Variants in CLSTN2 observed in about 807,000 individuals in gnomAD.
CLSTN2 encodes the protein calsyntenin 2.
A neutral mutation model predicts 101.2 loss-of-function variants in CLSTN2; 48 were observed. The observed-to-expected ratio is 0.47, with a 90% CI of 0.38 to 0.60. CLSTN2 has a LOEUF of 0.60. CLSTN2 is among the 20% of genes least tolerant of loss of function. The pLI is 0.00. For missense variants in CLSTN2, 1,160 were observed against 1,238.2 expected, an observed-to-expected ratio of 0.94 and a Z score of 0.95; for synonymous variants, 481 against 463.6, an observed-to-expected ratio of 1.04 and a Z score of -0.48.
At chr3:140,163,997 G>A (rs1576451568) in intron 1 of CLSTN2, among the ~76,000 whole-genome samples, 1 of 152,062 alleles carries the variant, frequency 6.6e-6, no homozygotes, top group African/African-American at 2.4e-5. Context: ...ATGCAATGAA[G>A]TGTGAGATAT....
chr3:140,049,415 T>C lies in CLSTN2; in HGVS notation c.109+113932T>C, dbSNP rs540874137. On this transcript the variant is annotated intron_variant, in intron 1 of 16. Coordinates refer to ENST00000458420, the MANE Select transcript of CLSTN2 (RefSeq NM_022131.3). Reference sequence around the variant, plus strand: ...AATTATAATCTTTAGATTAGAAATATTATTTCCGGAATGAGGGAACAGAAC... The same window carrying C: ...AATTATAATCTTTAGATTAGAAATACTATTTCCGGAATGAGGGAACAGAAC... Among the ~76,000 whole-genome samples, 7 of 152,324 alleles carry C rather than the reference T, an allele frequency of 4.6e-5. No individual in the cohort carries two copies. The East Asian group carries it at 1.2e-3, about 25-fold the overall frequency.
chr3:140,165,289 G>T (rs1478287379), intron 1 of CLSTN2, among the ~76,000 whole-genome samples: 1 of 152,134 alleles, frequency 6.6e-6, no homozygotes, highest in Non-Finnish European at 1.5e-5. Flanking sequence ...CCTACTCATT[G>T]GAATCAAAGT....
chr3:140,345,806 C>T (rs1463606775), intron 2 of CLSTN2, among the ~76,000 whole-genome samples: 1 of 152,050 alleles, frequency 6.6e-6, no homozygotes, highest in Non-Finnish European at 1.5e-5. Flanking sequence ...CAGAATGGAG[C>T]TGGAGATGGG....
chr3:140,180,983 C>A (rs1411444065), intron 2 of CLSTN2, among the ~76,000 whole-genome samples: 1 of 152,322 alleles, frequency 6.6e-6, no homozygotes, highest in East Asian at 1.9e-4. Flanking sequence ...ATGGCAAAGA[C>A]CCTCCCACAG....
intron 2 of CLSTN2, among the ~76,000 whole-genome samples, chr3:140,336,299 G>T (rs2087439063): frequency 6.6e-6 from 1 of 152,140 alleles, no homozygotes; most frequent in Admixed American, 6.5e-5. Context: ...TTACACACAG[G>T]TGGAAACCAA....
At chr3:140,200,375 T>A (rs867128329) in intron 2 of CLSTN2, among the ~76,000 whole-genome samples, 5 of 152,160 alleles carry the variant, frequency 3.3e-5, no homozygotes, top group African/African-American at 1.2e-4. Flanking sequence ...AGGAACCCCA[T>A]CTTTAGACTC....
intron 6 of CLSTN2, among the ~76,000 whole-genome samples, chr3:140,459,284 A>G (rs1174135927): frequency 2.6e-5 from 4 of 152,126 alleles, no homozygotes; most frequent in African/African-American, 7.2e-5. Context: ...CTTGCATCCT[A>G]TCTTGCCACA....
intron 1 of CLSTN2, among the ~76,000 whole-genome samples, chr3:139,998,887 T>C (rs532921888): frequency 6.6e-6 from 1 of 152,278 alleles, no homozygotes; most frequent in East Asian, 1.9e-4. Flanking sequence ...CTACATAAGA[T>C]CTAAGTAGGT....
intron 1 of CLSTN2, among the ~76,000 whole-genome samples, chr3:140,029,243 T>G (rs1296791586): frequency 6.6e-6 from 1 of 152,198 alleles, no homozygotes; most frequent in Non-Finnish European, 1.5e-5. Flanking sequence ...GGAGTGAAAG[T>G]GTGGGTTGGC....
At chr3:139,979,811 T>C (rs1290029897) in intron 1 of CLSTN2, among the ~76,000 whole-genome samples, 2 of 151,976 alleles carry the variant, frequency 1.3e-5, no homozygotes, top group Non-Finnish European at 2.9e-5. Flanking sequence ...TTAGCCAGGA[T>C]TTATGTGCCA....
intron 1 of CLSTN2, among the ~76,000 whole-genome samples, chr3:140,119,593 C>A (rs895681217): frequency 2.6e-5 from 4 of 152,128 alleles, no homozygotes; most frequent in African/African-American, 4.8e-5. Context: ...TGGCTCACTG[C>A]AGCCTTGACC....
chr3:140,569,097 C>T lies in CLSTN2; in HGVS notation c.*2844C>T, dbSNP rs6799764. 81,905 of 152,136 alleles carry T rather than the reference C, an allele frequency of 0.54. 25,181 individuals carry two copies. Among genetic ancestry groups the T allele is most frequent in the Middle Eastern group, 0.73 (215 of 294 alleles). 9.4% of individuals were successfully genotyped at this position (152,136 alleles called of 1,614,324 possible). ...TTCCTCACCATGGATGAGAACAAGA[C>T]GGGAGTGGTTATATCCCAGTAACAG... On this transcript the variant is annotated 3_prime_UTR_variant, in exon 17 of 17. Transcript: ENST00000458420.
At chr3:140,475,633 G>C (rs1933966574) in intron 8 of CLSTN2, among the ~76,000 whole-genome samples, 1 of 152,158 alleles carries the variant, frequency 6.6e-6, no homozygotes, top group Non-Finnish European at 1.5e-5. Flanking sequence ...TTATATCACT[G>C]TTAAATCTCA....
At chr3:140,025,081 C>A (rs1453252319) in intron 1 of CLSTN2, among the ~76,000 whole-genome samples, 1 of 152,152 alleles carries the variant, frequency 6.6e-6, no homozygotes, top group African/African-American at 2.4e-5. Context: ...TCTAGGGTCT[C>A]CCTGGCCAGG....
chr3:139,952,495 A>G (rs1171199070), intron 1 of CLSTN2, among the ~76,000 whole-genome samples: 1 of 152,164 alleles, frequency 6.6e-6, no homozygotes, highest in African/African-American at 2.4e-5. Context: ...ATTTTTTAGA[A>G]CGTGGAATCT....
intron 1 of CLSTN2, among the ~76,000 whole-genome samples, chr3:139,997,352 G>A (rs200554266): frequency 3.1e-5 from 3 of 95,706 alleles, no homozygotes; most frequent in Admixed American, 1.0e-4. Context: ...TCAGAAAGAC[G>A]CAAACACACA....
chr3:140,273,009 T>A (rs184921497), intron 2 of CLSTN2, among the ~76,000 whole-genome samples: 10 of 152,252 alleles, frequency 6.6e-5, no homozygotes, highest in Admixed American at 1.3e-4. Context: ...ATTTGATATA[T>A]TCAGAGTCAG....
At chr3:140,500,466 T>C (rs564004531) in intron 8 of CLSTN2, among the ~76,000 whole-genome samples, 2 of 152,348 alleles carry the variant, frequency 1.3e-5, no homozygotes, top group East Asian at 3.9e-4. Context: ...CAGTCATGAA[T>C]GTAAAACAAG....
At chr3:140,559,343 T>C (rs1935865442) in intron 12 of CLSTN2, among the ~76,000 whole-genome samples, 1 of 152,070 alleles carries the variant, frequency 6.6e-6, no homozygotes, top group Non-Finnish European at 1.5e-5. Flanking sequence ...AAGCTAAAGA[T>C]ATATAAAGAA....
Sources: allele counts gnomAD v4.1 joint callset (sites outside exome capture counted in the v4.1 genomes callset), GRCh38; gene constraint gnomAD v4.1.1; transcripts MANE v1.5; gene names NCBI Gene and HGNC (gene_info 2026-07-23, HGNC 2026-07-21).